The following TJP2 variants were observed in gnomAD, a reference collection of about 807,000 sequenced individuals.
TJP2 encodes tight junction protein 2.
TJP2 carries 91 observed loss-of-function variants against 133.1 expected under a neutral mutation model. The ratio of observed to expected loss-of-function variants is 0.68; its 90% CI spans 0.58 to 0.81. TJP2 has a LOEUF of 0.81. Among genes scored for constraint, TJP2 ranks in the 40% least tolerant of loss-of-function variants. The pLI is 0.00. For synonymous variants in TJP2, 592 were observed against 583.4 expected, an observed-to-expected ratio of 1.01 and a Z score of -0.21; for missense variants, 1,541 against 1,565.6, an observed-to-expected ratio of 0.98 and a Z score of 0.26.
At chr9:69,232,277 GT>G (rs1255895119) in intron 11 of TJP2, among the ~76,000 whole-genome samples, 6 of 152,210 alleles carry the variant, frequency 3.9e-5, no homozygotes, top group African/African-American at 1.2e-4. Context: ...GAAGCTTTCC[GT>G]TCTAGAAAGG....
At chr9:69,174,038 G>A (rs1452290944), upstream of TJP2, 10 of 1,049,338 alleles carry the variant, frequency 9.5e-6, no homozygotes, top group Non-Finnish European at 1.1e-5. Flanking sequence ...TCCCGCCCCC[G>A]GCCAGGAGTC....
intron 9 of TJP2, 76 bp downstream of exon 9, chr9:69,228,190 A>G: frequency 1.3e-6 from 2 of 1,541,372 alleles, no homozygotes; most frequent in Admixed American, 3.9e-5. Context: ...CAAAGAGTGA[A>G]ATCATGTCCT....
chr9:69,208,625 T>C (rs1314318962), intron 1 of TJP2, among the ~76,000 whole-genome samples: 1 of 152,242 alleles, frequency 6.6e-6, no homozygotes, highest in African/African-American at 2.4e-5. Flanking sequence ...TTTATAGTTT[T>C]AAATTCCAAA....
intron 2 of TJP2, among the ~76,000 whole-genome samples, chr9:69,214,864 C>T (rs1828233107): frequency 2.8e-5 from 1 of 35,412 alleles, no homozygotes; most frequent in Admixed American, 3.1e-4. Context: ...AAGACTCCAT[C>T]TCAAAAAAAA....
At position 69,239,947 on chromosome 9, in the gene TJP2, C is replaced by T; in HGVS notation, c.2366C>T (p.Ala789Val). Residue 789 changes from alanine to valine, a missense_variant, in exon 17 of 23, where the codon GCA becomes GTA. By Grantham distance (64) the Ala-to-Val change is moderately conservative. Transcript: ENST00000377245. ...CCCTTTTGTAAACAGGATAAGCATG[C>T]ACTACTGGATGTGACTCCGAAAGCT... ...VRQIIEQDKH[A>V]LLDVTPKAVD... The T allele has an allele frequency of 3.7e-6, 6 of 1,613,850 alleles. No individual in the cohort carries two copies. The highest frequency in any genetic ancestry group is 5.1e-6 in the Non-Finnish European group (6 of 1,179,732).
chr9:69,128,932 A>G (rs907066776), intron 1 of TJP2, among the ~76,000 whole-genome samples: 3 of 152,220 alleles, frequency 2.0e-5, no homozygotes, highest in Non-Finnish European at 4.4e-5. Context: ...TCAATGGTTT[A>G]GATTAGAAGC....
chr9:69,205,056 A>G (rs1464961341), intron 1 of TJP2: 1 of 1,458,856 alleles, frequency 6.9e-7, no homozygotes, highest in Non-Finnish European at 9.0e-7. Flanking sequence ...TTTGCTGGAA[A>G]TGTGGGCCAC....
At position 69,205,145 on chromosome 9, in the gene TJP2, A is replaced by G. The variant is rs765062007; in HGVS notation, c.61-7403A>G. The G allele has an allele frequency of 5.2e-6, 8 of 1,537,076 alleles. No individual in the cohort carries two copies. The African/African-American group carries it at 6.8e-5, about 13-fold the overall frequency. On this transcript the variant is annotated intron_variant, in intron 1 of 22. Transcript: ENST00000377245. ...CGGAATGTAGGCGGTGGCCTGGCCCATGCATCTCCAGAGACCATGAAGACT... is the reference window on the plus strand; with the variant it reads ...CGGAATGTAGGCGGTGGCCTGGCCCGTGCATCTCCAGAGACCATGAAGACT...
chr9:69,133,734 A>G (rs1411933152), intron 1 of TJP2, among the ~76,000 whole-genome samples: 1 of 151,456 alleles, frequency 6.6e-6, no homozygotes, highest in Non-Finnish European at 1.5e-5. Context: ...TATTTTTAGT[A>G]CAGACAGTGT....
rs1295870955 is a variant in TJP2 at position 69,196,950 on chromosome 9, C to T, written c.61-15598C>T. On this transcript the variant is annotated intron_variant, in intron 1 of 22. Transcript: ENST00000377245. ...ATATGTGTGTGTGTGTGTGTGTACA[C>T]ACACACACACACACACACACACACA... Among the ~76,000 whole-genome samples the T allele has an allele frequency of 8.1e-3, 1,019 of 126,166 alleles. 8 individuals carry two copies. Among genetic ancestry groups the T allele is most frequent in the Non-Finnish European group, 0.013 (716 of 53,340 alleles). 82.8% of individuals were successfully genotyped at this position (126,166 alleles called of 152,430 possible). A position where few individuals can be genotyped will look rare whatever the true frequency, so the allele number is the denominator to read the frequency against.
chr9:69,238,743 C>G lies in TJP2; in HGVS notation c.2309C>G (p.Ser770Cys), dbSNP rs1830377033. The G allele has an allele frequency of 6.2e-7, 1 of 1,614,012 alleles. No homozygotes were observed. The highest frequency in any genetic ancestry group is 8.5e-7 in the Non-Finnish European group (1 of 1,179,950). The change falls in exon 16 of 23, where the codon TCC becomes TGC. Residue 770 changes from serine (S) to cysteine (C), a missense_variant. Physicochemically the swap from Ser to Cys is moderately radical, Grantham distance 112. Coordinates refer to ENST00000377245, the MANE Select transcript of TJP2 (RefSeq NM_004817.4). ...TEPKDAGSEK[S>C]TGVVRLNTVR... ...CCAAAAGATGCAGGATCTGAGAAAT[C>G]CACTGGAGTGGTCCGGTTAAATACC...
At chr9:69,149,716 G>A (rs972404348) in intron 1 of TJP2, among the ~76,000 whole-genome samples, 1 of 152,174 alleles carries the variant, frequency 6.6e-6, no homozygotes, top group African/African-American at 2.4e-5. Flanking sequence ...AAAGGAGCTT[G>A]CCTCCTTGTG....
At chr9:69,253,938 G>T in intron 22 of TJP2, 1 of 500,356 alleles carries the variant, frequency 2.0e-6, no homozygotes, top group Non-Finnish European at 3.7e-6. Flanking sequence ...GGAGCTTAGG[G>T]GTAAGGAGGG....
chr9:69,138,585 G>A (rs1009121016), intron 1 of TJP2, among the ~76,000 whole-genome samples: 3 of 151,866 alleles, frequency 2.0e-5, no homozygotes, highest in African/African-American at 7.3e-5. Context: ...TAACCAACAC[G>A]GCAAAATCCT....
chr9:69,187,825 G>A (rs1161999381), intron 1 of TJP2, among the ~76,000 whole-genome samples: 1 of 152,186 alleles, frequency 6.6e-6, no homozygotes, highest in Non-Finnish European at 1.5e-5. Flanking sequence ...AGGGGAAGGT[G>A]AAAGGAAGAG....
intron 11 of TJP2, 145 bp downstream of exon 11, chr9:69,230,377 G>A: frequency 9.7e-7 from 1 of 1,028,820 alleles, no homozygotes; most frequent in Non-Finnish European, 1.5e-6. Flanking sequence ...TGAAGTCTCT[G>A]TATTCCTCAA....
intron 1 of TJP2, among the ~76,000 whole-genome samples, chr9:69,125,378 C>G (rs1477264581): frequency 1.5e-5 from 1 of 64,744 alleles, no homozygotes; most frequent in South Asian, 4.7e-4. Flanking sequence ...GCCATCTCAG[C>G]TCACTGCAAC....
intron 1 of TJP2, among the ~76,000 whole-genome samples, chr9:69,210,546 G>A (rs897064881): frequency 1.3e-5 from 2 of 151,996 alleles, no homozygotes; most frequent in Admixed American, 1.3e-4. Context: ...AGTAATTGGG[G>A]AGTTTTACAT....
intron 1 of TJP2, among the ~76,000 whole-genome samples, chr9:69,176,131 G>C (rs1343109001): frequency 1.3e-5 from 2 of 152,238 alleles, no homozygotes; most frequent in Admixed American, 6.5e-5. Flanking sequence ...TTAGCAAAGA[G>C]TGGGATTGGT....
Sources: gnomAD v4.1 joint callset for allele counts (sites outside exome capture counted in the v4.1 genomes callset) on GRCh38, gnomAD v4.1.1 for gene constraint, MANE v1.5 for transcripts, NCBI Gene and HGNC (gene_info 2026-07-23, HGNC 2026-07-21) for gene names.